EPHA6: variants seen among roughly 807,000 people sequenced by gnomAD.
EPHA6 encodes the protein EPH receptor A6, also known as ephrin type-A receptor 6.
A neutral mutation model predicts 112.0 loss-of-function variants in EPHA6; 50 were observed. The observed-to-expected ratio is 0.45, with a 90% confidence interval of 0.36 to 0.56. The LOEUF is 0.56. Among genes scored for constraint, EPHA6 ranks in the 20% least tolerant of loss-of-function variants. The pLI is 0.00. For synonymous variants in EPHA6, 529 were observed against 490.7 expected (o/e 1.08, Z -1.03); for missense variants, 1,280 against 1,417.4 (o/e 0.90, Z 1.56).
At chr3:97,081,643 C>A (rs1334153853) in intron 3 of EPHA6, among the ~76,000 whole-genome samples, 1 of 151,624 alleles carries the variant, frequency 6.6e-6, no homozygotes, top group African/African-American at 2.4e-5. Flanking sequence ...TATGTGATTC[C>A]ATTTCTATTC....
chr3:97,224,038 A>G (rs1476359303), intron 3 of EPHA6, among the ~76,000 whole-genome samples: 1 of 152,158 alleles, frequency 6.6e-6, no homozygotes, highest in Admixed American at 6.5e-5. Flanking sequence ...CGAGAAAAAA[A>G]AAATTTAAAA....
intron 5 of EPHA6, among the ~76,000 whole-genome samples, chr3:97,331,219 C>A (rs1039672288): frequency 6.6e-6 from 1 of 151,970 alleles, no homozygotes; most frequent in Non-Finnish European, 1.5e-5. Flanking sequence ...ACACAACATA[C>A]CAGAATCTGT....
At position 97,481,512 on chromosome 3, in the gene EPHA6, C is replaced by T. The variant is rs1042095505; in HGVS notation, c.2074+2148C>T. 37 of 1,007,268 alleles carry T rather than the reference C, an allele frequency of 3.7e-5. 1 individual carries two copies. In the African/African-American group the frequency reaches 4.8e-4, roughly 13 times the overall value. The allele number at this position is 1,007,268 out of a possible 1,614,324, so 62.4% of individuals were successfully genotyped here. ...ACCATAGTTCCGGTTCTTCCTCCGG[C>T]GCGGGGCTAAGTGCAGGCCCGGGGG... On this transcript the variant is annotated intron_variant, in intron 9 of 17. Coordinates refer to ENST00000389672, the MANE Select transcript of EPHA6 (RefSeq NM_001080448.3).
intron 3 of EPHA6, among the ~76,000 whole-genome samples, chr3:97,059,453 A>G (rs1423927960): frequency 6.6e-6 from 1 of 152,072 alleles, no homozygotes; most frequent in Non-Finnish European, 1.5e-5. Flanking sequence ...TTTGACTAGT[A>G]TAGGATTTCA....
At chr3:96,873,569 T>C (rs931523889) in intron 2 of EPHA6, among the ~76,000 whole-genome samples, 1 of 152,188 alleles carries the variant, frequency 6.6e-6, no homozygotes, top group Non-Finnish European at 1.5e-5. Context: ...CCTGAAATAT[T>C]TACTTTCTCT....
At chr3:96,949,985 T>A (rs2041456536) in intron 2 of EPHA6, among the ~76,000 whole-genome samples, 1 of 152,166 alleles carries the variant, frequency 6.6e-6, no homozygotes, top group Admixed American at 6.5e-5. Flanking sequence ...CTTTGTGTCC[T>A]TACTTTTCCT....
chr3:97,137,540 G>T (rs2075796519), intron 3 of EPHA6, among the ~76,000 whole-genome samples: 1 of 152,074 alleles, frequency 6.6e-6, no homozygotes, highest in Non-Finnish European at 1.5e-5. Context: ...GCTCATAACA[G>T]GGCCTCATAA....
chr3:96,924,512 C>T (rs936133467), intron 2 of EPHA6, among the ~76,000 whole-genome samples: 12 of 152,064 alleles, frequency 7.9e-5, no homozygotes, highest in Admixed American at 7.9e-4. Context: ...GAGATTTTAC[C>T]GAAGTTGCTT....
At chr3:97,172,247 C>T (rs1047395399) in intron 3 of EPHA6, among the ~76,000 whole-genome samples, 4 of 151,888 alleles carry the variant, frequency 2.6e-5, no homozygotes, top group Non-Finnish European at 5.9e-5. Flanking sequence ...TTATATCTTA[C>T]CTATTTTCTG....
intron 3 of EPHA6, among the ~76,000 whole-genome samples, chr3:97,097,810 CAGA>C (rs1277825697): frequency 6.6e-6 from 1 of 151,728 alleles, no homozygotes; most frequent in Non-Finnish European, 1.5e-5. Context: ...GCAGATAAAT[CAGA>C]AGAATGTATG....
chr3:97,586,755 T>C (rs1397615583), intron 11 of EPHA6, among the ~76,000 whole-genome samples: 1 of 122,652 alleles, frequency 8.2e-6, no homozygotes, highest in Admixed American at 9.0e-5. Flanking sequence ...GACAGACAGA[T>C]AAGGTTTGAA....
At chr3:97,617,014 G>A (rs985193453) in intron 13 of EPHA6, among the ~76,000 whole-genome samples, 1 of 152,068 alleles carries the variant, frequency 6.6e-6, no homozygotes, top group African/African-American at 2.4e-5. Flanking sequence ...AGGAAAAAAT[G>A]TTAATGGCAG....
intron 3 of EPHA6, among the ~76,000 whole-genome samples, chr3:97,141,752 A>G (rs1468310506): frequency 6.6e-6 from 1 of 152,030 alleles, no homozygotes; most frequent in African/African-American, 2.4e-5. Flanking sequence ...TTAACAACCT[A>G]ATATCGTAAC....
At chr3:96,951,085 T>C (rs1428980431) in intron 2 of EPHA6, among the ~76,000 whole-genome samples, 3 of 152,114 alleles carry the variant, frequency 2.0e-5, no homozygotes, top group African/African-American at 7.2e-5. Flanking sequence ...CCTTAGTTGC[T>C]TCACTGTTAC....
intron 3 of EPHA6, among the ~76,000 whole-genome samples, chr3:97,181,054 G>A (rs1166494301): frequency 6.6e-6 from 1 of 152,112 alleles, no homozygotes; most frequent in Non-Finnish European, 1.5e-5. Flanking sequence ...AGACCACTGG[G>A]ATCTTCGATT....
chr3:97,002,958 TGAA>T (rs1466725919), intron 3 of EPHA6, among the ~76,000 whole-genome samples: 1 of 152,122 alleles, frequency 6.6e-6, no homozygotes, highest in Non-Finnish European at 1.5e-5. Context: ...CTAAATTACA[TGAA>T]GTAGTAAAAC....
chr3:96,892,397 A>G (rs1450028152), intron 2 of EPHA6, among the ~76,000 whole-genome samples: 1 of 151,582 alleles, frequency 6.6e-6, no homozygotes, highest in East Asian at 1.9e-4. Flanking sequence ...ATTTTTTTGT[A>G]CTTTTTATAG....
intron 9 of EPHA6, among the ~76,000 whole-genome samples, chr3:97,480,540 G>C (rs1206744344): frequency 6.6e-6 from 1 of 151,742 alleles, no homozygotes; most frequent in Non-Finnish European, 1.5e-5. Context: ...AGAGAGCAAG[G>C]GGTTGGGGGT....
At chr3:97,681,500 C>G (rs1032722059) in intron 14 of EPHA6, among the ~76,000 whole-genome samples, 2 of 152,018 alleles carry the variant, frequency 1.3e-5, no homozygotes, top group Non-Finnish European at 2.9e-5. Context: ...ATTATACATT[C>G]ATAGCATGGA....
Sources: gnomAD v4.1 joint callset for allele counts (sites outside exome capture counted in the v4.1 genomes callset) on GRCh38, gnomAD v4.1.1 for gene constraint, MANE v1.5 for transcripts, NCBI Gene and HGNC (gene_info 2026-07-23, HGNC 2026-07-21) for gene names.